GRM7: variants seen among roughly 807,000 people sequenced by gnomAD.
GRM7 encodes metabotropic glutamate receptor 7.
Under a neutral mutation model 84.5 loss-of-function variants are expected in GRM7, and 35 were observed. That is an observed-to-expected ratio of 0.41 (90% CI 0.32 to 0.55). The LOEUF (loss-of-function observed/expected upper bound fraction) is 0.55, where lower values mean the gene tolerates loss of function less well. Ranked by LOEUF, GRM7 falls within the 20% of genes least tolerant of loss-of-function variation. The pLI is 0.19. For synonymous variants in GRM7, 487 were observed against 455.1 expected (o/e 1.07, Z -0.89); for missense variants, 1,003 against 1,194.6 (o/e 0.84, Z 2.36).
chr3:7,238,997 C>CTTT (rs1559520012), intron 2 of GRM7, among the ~76,000 whole-genome samples: 12 of 137,604 alleles, frequency 8.7e-5, no homozygotes, highest in Admixed American at 2.3e-4. Context: ...TTCTTTTTTC[C>CTTT]TTTTTCTTTT....
At chr3:7,116,990 AT>A in intron 1 of GRM7, among the ~76,000 whole-genome samples, 1 of 152,270 alleles carries the variant, frequency 6.6e-6, no homozygotes, top group South Asian at 2.1e-4. Flanking sequence ...GACTCAGGCA[AT>A]TTGATTTTGT....
intron 2 of GRM7, among the ~76,000 whole-genome samples, chr3:7,173,024 C>A (rs555539288): frequency 5.9e-5 from 9 of 152,212 alleles, no homozygotes; most frequent in African/African-American, 2.2e-4. Context: ...TATTTAACCT[C>A]AGAAGAGTCT....
intron 8 of GRM7, among the ~76,000 whole-genome samples, chr3:7,581,774 T>C (rs556972889): frequency 3.3e-5 from 5 of 152,204 alleles, no homozygotes; most frequent in Non-Finnish European, 7.4e-5. Context: ...AAATTGAATT[T>C]ATATTGAGTA....
At chr3:7,739,984 G>C (rs1333081872) in intron 9 of GRM7, among the ~76,000 whole-genome samples, 1 of 152,116 alleles carries the variant, frequency 6.6e-6, no homozygotes, top group African/African-American at 2.4e-5. Context: ...TCCAAGCAAA[G>C]GCCAGTTATT....
chr3:7,213,209 G>A (rs908503240), intron 2 of GRM7, among the ~76,000 whole-genome samples: 3 of 152,066 alleles, frequency 2.0e-5, no homozygotes, highest in Admixed American at 6.5e-5. Context: ...CTTTTCCAGA[G>A]GTCTAAGAAA....
chr3:7,349,007 G>A (rs762248906), intron 4 of GRM7, among the ~76,000 whole-genome samples: 2 of 152,056 alleles, frequency 1.3e-5, no homozygotes, highest in Non-Finnish European at 2.9e-5. Context: ...TGCAACGGAG[G>A]GGTTATAAAA....
intron 9 of GRM7, among the ~76,000 whole-genome samples, chr3:7,733,814 C>A (rs572169628): frequency 1.3e-4 from 20 of 152,262 alleles, no homozygotes; most frequent in Admixed American, 5.9e-4. Context: ...CTCCTCTCCA[C>A]GCACCTTTGG....
chr3:6,900,923 A>G (rs777953149), intron 1 of GRM7, among the ~76,000 whole-genome samples: 5 of 152,208 alleles, frequency 3.3e-5, no homozygotes, highest in Admixed American at 6.5e-5. Context: ...TATTTCTGGC[A>G]TTAGAACCTG....
chr3:7,154,810 A>G (rs1694397919), intron 2 of GRM7, among the ~76,000 whole-genome samples: 1 of 152,024 alleles, frequency 6.6e-6, no homozygotes, highest in Non-Finnish European at 1.5e-5. Flanking sequence ...TTAGGGGCAA[A>G]ATGTTTAGTC....
At chr3:7,273,888 T>C (rs758839978) in intron 2 of GRM7, among the ~76,000 whole-genome samples, 1 of 151,980 alleles carries the variant, frequency 6.6e-6, no homozygotes, top group African/African-American at 2.4e-5. Flanking sequence ...GTTGGAGTAA[T>C]AGCTGCCATG....
At chr3:7,099,002 C>A (rs922192694) in intron 1 of GRM7, among the ~76,000 whole-genome samples, 1 of 151,612 alleles carries the variant, frequency 6.6e-6, no homozygotes, top group Non-Finnish European at 1.5e-5. Flanking sequence ...TTAGCATTAT[C>A]TTTTTAATTA....
chr3:7,372,231 A>G (rs1444873787), intron 4 of GRM7, among the ~76,000 whole-genome samples: 2 of 152,108 alleles, frequency 1.3e-5, no homozygotes, highest in Admixed American at 6.6e-5. Context: ...TCACATTGAG[A>G]TTTGTTGAGT....
chr3:6,945,759 C>A (rs1169017016), intron 1 of GRM7, among the ~76,000 whole-genome samples: 1 of 152,190 alleles, frequency 6.6e-6, no homozygotes, highest in African/African-American at 2.4e-5. Context: ...GCCATTCTAA[C>A]CGGTGTGAGA....
Position 7,740,373 on chromosome 3 carries a change from G to T in GRM7, c.2715G>T (p.Lys905Asn), listed in dbSNP as rs572271109. The T allele has an allele frequency of 5.0e-6, 8 of 1,590,338 alleles. No individual in the cohort carries two copies. In the East Asian group the frequency reaches 1.6e-4, roughly 32 times the overall value. Residue 905 changes from lysine to asparagine, a missense_variant, in exon 10 of 10, where the codon AAG (lysine) becomes AAT (asparagine). This residue lies in a region of GRM7 where 910 missense variants were observed against 1,126.0 expected (regional missense o/e 0.81). Coordinates refer to ENST00000357716, the MANE Select transcript of GRM7 (RefSeq NM_000844.4). Reference sequence around the variant, plus strand: ...TTCTTTCAGGCCCTGCTGCAAAAAAGAAGTATGTCAGTTATAATAACCTGG... The same window carrying T: ...TTCTTTCAGGCCCTGCTGCAAAAAATAAGTATGTCAGTTATAATAACCTGG... ...NVDPNSPAAKKKYVSYNNLVI is the reference protein window; with the variant it reads ...NVDPNSPAAKNKYVSYNNLVI
chr3:6,861,451 G>T lies in GRM7; in HGVS notation c.63G>T (p.Leu21=). The change falls in exon 1 of 10, where the codon CTG becomes CTT. Residue 21 remains leucine, a synonymous_variant. Coordinates refer to ENST00000357716, the MANE Select transcript of GRM7 (RefSeq NM_000844.4). The surrounding 1 kb of genome is among the most constrained non-coding windows in gnomAD (Gnocchi z 6.4). ...TGATGAAGTTCCCCTGCTGCGTGCT[G>T]GAGGTGCTCCTGTGCGCGCTGGCGG... The part of the protein sequence containing the change: ...LTLMKFPCCV[L]EVLLCALAAA... The T allele has an allele frequency of 6.2e-7, 1 of 1,602,736 alleles. No homozygotes were observed.
intron 4 of GRM7, among the ~76,000 whole-genome samples, chr3:7,367,402 C>T (rs914480834): frequency 4.6e-5 from 7 of 151,654 alleles, no homozygotes; most frequent in Admixed American, 4.0e-4. Context: ...TGGTCTAAAA[C>T]CTAAATAAAT....
At chr3:6,868,707 T>C (rs1010545101) in intron 1 of GRM7, among the ~76,000 whole-genome samples, 8 of 152,178 alleles carry the variant, frequency 5.3e-5, no homozygotes, top group African/African-American at 1.7e-4. Context: ...GTGAGAGGAC[T>C]GTTTTAATAC....
intron 5 of GRM7, among the ~76,000 whole-genome samples, chr3:7,430,113 T>C (rs565928744): frequency 6.1e-4 from 93 of 152,302 alleles, no homozygotes; most frequent in African/African-American, 2.2e-3. Context: ...AGAGAGACCT[T>C]ATCTCAAATA....
rs1421042013 is a variant in GRM7 at position 6,891,155 on chromosome 3, C to T, written c.519+29248C>T. 3.3e-5 allele frequency among the ~76,000 whole-genome samples: 5 copies of T among 152,174 alleles called. No homozygotes were observed. In the South Asian group the frequency reaches 6.2e-4, roughly 19 times the overall value. On this transcript the variant is annotated intron_variant, in intron 1 of 9. Coordinates refer to ENST00000357716, the MANE Select transcript of GRM7 (RefSeq NM_000844.4). Reference sequence around the variant, plus strand: ...GCACGTGAGATGGGTTTCCTGAATACAGCACACTGATGGGTCTTGACTCTT... The same window carrying T: ...GCACGTGAGATGGGTTTCCTGAATATAGCACACTGATGGGTCTTGACTCTT...
Sources: allele counts gnomAD v4.1 joint callset (sites outside exome capture counted in the v4.1 genomes callset), GRCh38; gene constraint gnomAD v4.1.1; regional missense constraint gnomAD v4.1.1; non-coding constraint Gnocchi (gnomAD v3.1); transcripts MANE v1.5; gene names NCBI Gene and HGNC (gene_info 2026-07-23, HGNC 2026-07-21).